Variants in PCDHA4 observed in about 807,000 individuals in gnomAD.
PCDHA4 encodes protocadherin alpha-4.
PCDHA4 carries 49 observed loss-of-function variants against 61.4 expected under a neutral mutation model. That is an observed-to-expected ratio of 0.80 (90% CI 0.63 to 1.01). The LOEUF (loss-of-function observed/expected upper bound fraction) is 1.01. PCDHA4 is among the 50% of genes least tolerant of loss of function. PCDHA4 has a pLI of 0.00. For synonymous variants in PCDHA4, 590 were observed against 550.3 expected, an observed-to-expected ratio of 1.07 and a Z score of -1.01; for missense variants, 1,254 against 1,235.8, an observed-to-expected ratio of 1.01 and a Z score of -0.22.
chr5:140,845,180 T>C (rs1554140853), intron 1 of PCDHA4, among the ~76,000 whole-genome samples: 1 of 149,340 alleles, frequency 6.7e-6, no homozygotes, highest in Admixed American at 6.7e-5. Context: ...TTTTAGTCCT[T>C]TAAAAAATAT....
intron 3 of PCDHA4, among the ~76,000 whole-genome samples, chr5:140,993,043 A>G (rs1402138607): frequency 1.3e-5 from 2 of 152,186 alleles, no homozygotes; most frequent in Non-Finnish European, 2.9e-5. Context: ...TGTGTCATCA[A>G]GATGTCAATC....
intron 1 of PCDHA4, among the ~76,000 whole-genome samples, chr5:140,974,906 T>G (rs1197306976): frequency 6.6e-6 from 1 of 152,182 alleles, no homozygotes; most frequent in Non-Finnish European, 1.5e-5. Flanking sequence ...TTGTAACAAA[T>G]TACCACAAGT....
At chr5:140,967,135 G>A in intron 1 of PCDHA4, 1 of 1,611,752 alleles carries the variant, frequency 6.2e-7, no homozygotes, top group South Asian at 1.1e-5. Context: ...GCTTGGAAGT[G>A]CTGGCGCACA....
chr5:140,926,125 A>G (rs1584421625), intron 1 of PCDHA4, among the ~76,000 whole-genome samples: 2 of 152,180 alleles, frequency 1.3e-5, no homozygotes, highest in Admixed American at 6.5e-5. Flanking sequence ...ACAGACTTCA[A>G]CCCGCAGCAG....
chr5:140,868,265 T>G (rs182913735), intron 1 of PCDHA4: 1 of 152,250 alleles, frequency 6.6e-6, no homozygotes, highest in African/African-American at 2.4e-5. Flanking sequence ...GTGGATTCTT[T>G]TTTAAAACTA....
At chr5:140,870,392 G>T in intron 1 of PCDHA4, 1 of 1,614,254 alleles carries the variant, frequency 6.2e-7, no homozygotes, top group Non-Finnish European at 8.5e-7. Context: ...CGGGATGGGG[G>T]TTCGCCTTCT....
chr5:140,882,788 C>T, intron 1 of PCDHA4: 1 of 1,614,216 alleles, frequency 6.2e-7, no homozygotes, highest in East Asian at 2.2e-5. Context: ...CCGACTGGAT[C>T]CCAACGATTA....
intron 1 of PCDHA4, chr5:140,811,095 G>A (rs1167006415): frequency 3.3e-5 from 5 of 152,252 alleles, no homozygotes; most frequent in South Asian, 2.1e-4. Context: ...TGCCATGTTC[G>A]TTTGCTGCAC....
intron 1 of PCDHA4, among the ~76,000 whole-genome samples, chr5:140,895,293 G>A (rs759197253): frequency 5.9e-5 from 9 of 151,430 alleles, no homozygotes; most frequent in African/African-American, 9.7e-5. Flanking sequence ...TAGGACCTTC[G>A]ATTTCCCCCC....
intron 1 of PCDHA4, among the ~76,000 whole-genome samples, chr5:140,975,632 A>G (rs1554236932): frequency 1.3e-5 from 2 of 152,216 alleles, no homozygotes; most frequent in African/African-American, 4.8e-5. Context: ...CATGGTACGA[A>G]GATAGCATAT....
At chr5:140,967,934 A>G (rs781977227) in intron 1 of PCDHA4, 4 of 1,614,172 alleles carry the variant, frequency 2.5e-6, no homozygotes, top group Non-Finnish European at 2.5e-6. Flanking sequence ...TCTCAGTGTC[A>G]ATGACCAAGA....
intron 1 of PCDHA4, among the ~76,000 whole-genome samples, chr5:140,931,396 G>A (rs1554208395): frequency 1.3e-5 from 2 of 152,118 alleles, no homozygotes; most frequent in Non-Finnish European, 2.9e-5. Context: ...ATAAGTAAGC[G>A]ATAGGAAGGC....
At chr5:140,869,666 A>G (rs2051321419) in intron 1 of PCDHA4, 1 of 1,613,524 alleles carries the variant, frequency 6.2e-7, no homozygotes, top group East Asian at 2.2e-5. Context: ...AATGGTAAGC[A>G]GATTAAAAGA....
chr5:140,853,467 G>T lies in PCDHA4; in HGVS notation c.2385+43895G>T, dbSNP rs2150532339. 46 of 971,640 alleles carry T rather than the reference G, an allele frequency of 4.7e-5. No homozygotes were observed. The African/African-American group carries it at 8.1e-4, about 17-fold the overall frequency. 60.2% of individuals were successfully genotyped at this position (971,640 alleles called of 1,614,324 possible). ...CTAATAGGTCTCCTTATATGCATCT[G>T]TAGTTAACATTCCTCAATTCAAGTT... On this transcript the variant is annotated intron_variant, in intron 1 of 3. Transcript: ENST00000530339.
At chr5:140,828,006 A>G in intron 1 of PCDHA4, 1 of 1,503,668 alleles carries the variant, frequency 6.7e-7, no homozygotes, top group Non-Finnish European at 8.9e-7. Flanking sequence ...GACGCAGAAG[A>G]AATGGATTAA....
intron 1 of PCDHA4, chr5:140,824,264 C>T (rs2150133767): frequency 7.8e-7 from 1 of 1,285,750 alleles, no homozygotes; most frequent in South Asian, 1.3e-5. Context: ...TGCACTAATT[C>T]ATGTATTATA....
At chr5:140,980,607 C>T (rs1471918192) in intron 2 of PCDHA4, among the ~76,000 whole-genome samples, 5 of 151,334 alleles carry the variant, frequency 3.3e-5, no homozygotes, top group Non-Finnish European at 7.4e-5. Context: ...TCCAGCCTGG[C>T]GACAGTGCGA....
intron 3 of PCDHA4, 85 bp from the exon 4 acceptor site, chr5:141,009,542 T>C: frequency 6.5e-7 from 1 of 1,530,742 alleles, no homozygotes; most frequent in Admixed American, 2.1e-5. Context: ...AGCCTGCCTA[T>C]GCAGTACTCC....
chr5:140,876,342 A>C, intron 1 of PCDHA4: 1 of 1,614,042 alleles, frequency 6.2e-7, no homozygotes, highest in Non-Finnish European at 8.5e-7. Flanking sequence ...TGAGTGAGAA[A>C]TGTATGTTTT....
Sources: gnomAD v4.1 joint callset for allele counts (sites outside exome capture counted in the v4.1 genomes callset) on GRCh38, gnomAD v4.1.1 for gene constraint, MANE v1.5 for transcripts, NCBI Gene and HGNC (gene_info 2026-07-23, HGNC 2026-07-21) for gene names.